Variants in CARS1 observed in about 807,000 individuals in gnomAD.
The protein encoded by CARS1 is cysteine--tRNA ligase, cytoplasmic.
CARS1 carries 48 observed loss-of-function variants against 106.2 expected under a neutral mutation model. That is an observed-to-expected ratio of 0.45 (90% confidence interval 0.36 to 0.57). The LOEUF is 0.57. Among genes scored for constraint, CARS1 ranks in the 20% least tolerant of loss-of-function variants. CARS1 has a pLI of 0.00. For missense variants in CARS1, 968 were observed against 1,057.2 expected, an observed-to-expected ratio of 0.92 and a Z score of 1.17; for synonymous variants, 409 against 403.4, an observed-to-expected ratio of 1.01 and a Z score of -0.17.
chr11:3,035,350 T>C (rs1853479245), intron 7 of CARS1, among the ~76,000 whole-genome samples: 1 of 152,068 alleles, frequency 6.6e-6, no homozygotes, highest in African/African-American at 2.4e-5. Flanking sequence ...AAAAGGGACA[T>C]TCAAACCACA....
Position 3,044,130 on chromosome 11 carries a change from GAC to G in CARS1, c.275-1876_275-1875del, listed in dbSNP as rs1854829191. Reference sequence around the variant, plus strand: ...AAAGACCCTGGAGCTCCTTCAATAGGACACTGCTGCCATCTCAGACAGCTGGA... The same window carrying G: ...AAAGACCCTGGAGCTCCTTCAATAGGACTGCTGCCATCTCAGACAGCTGGA... On this transcript the variant is annotated intron_variant, in intron 2 of 22. Transcript: ENST00000380525. The surrounding 1 kb of genome is among the most constrained non-coding windows in gnomAD (Gnocchi z 4.4). 6.6e-6 allele frequency among the ~76,000 whole-genome samples: 1 copy of G among 152,100 alleles called. No individual in the cohort carries two copies. Among genetic ancestry groups the G allele is most frequent in the Non-Finnish European group, 1.5e-5 (1 of 68,008 alleles).
At chr11:3,026,540 T>C in intron 10 of CARS1, 136 bp downstream of exon 10, 1 of 849,150 alleles carries the variant, frequency 1.2e-6, no homozygotes. Context: ...CTCCTAAAAT[T>C]CCTTCAGGTG....
rs577813469 is a variant in CARS1 at position 3,028,628 on chromosome 11, G to A, written c.1031+368C>T. 247 of 302,730 alleles carry A rather than the reference G, an allele frequency of 8.2e-4. 2 individuals carry two copies. Among genetic ancestry groups the A allele is most frequent in the Admixed American group, 2.3e-3 (47 of 20,672 alleles). 18.8% of individuals were successfully genotyped at this position (302,730 alleles called of 1,614,324 possible). ...ATGCTGATGAAATGCATCCTCCTTCGGGATATGACACCAGGACTAGCACTC... is the reference window on the plus strand; with the variant it reads ...ATGCTGATGAAATGCATCCTCCTTCAGGATATGACACCAGGACTAGCACTC... On this transcript the variant is annotated intron_variant, in intron 9 of 22. Coordinates refer to ENST00000380525, the MANE Select transcript of CARS1 (RefSeq NM_001014437.3). This position sits in a 1 kb window ranked among gnomAD's most constrained non-coding sequence, Gnocchi z 4.4.
intron 19 of CARS1, among the ~76,000 whole-genome samples, chr11:3,006,055 T>A (rs912445869): frequency 1.3e-5 from 2 of 152,212 alleles, no homozygotes; most frequent in Non-Finnish European, 2.9e-5. Flanking sequence ...GATAAATGCT[T>A]GAGGTGATGG....
At chr11:3,055,788 T>G (rs1167397225) in intron 1 of CARS1, among the ~76,000 whole-genome samples, 1 of 152,252 alleles carries the variant, frequency 6.6e-6, no homozygotes, top group Non-Finnish European at 1.5e-5. Flanking sequence ...GCCCTAACTT[T>G]CAGCACAGAC....
Position 3,019,645 on chromosome 11 carries a change from G to A in CARS1, c.1267-378C>T, listed in dbSNP as rs947304325. Among the ~76,000 whole-genome samples the A allele has an allele frequency of 6.6e-6, 1 of 151,636 alleles. No individual in the cohort carries two copies. The highest frequency in any genetic ancestry group is 1.5e-5 in the Non-Finnish European group (1 of 67,934). ...CTTGAACCGGGACTAGGAGGCAGAG[G>A]TTGCAGTGAGCTGAGATCGCGCCAC... On this transcript the variant is annotated intron_variant, in intron 11 of 22. Transcript: ENST00000380525. This position sits in a 1 kb window ranked among gnomAD's most constrained non-coding sequence, Gnocchi z 6.2.
intron 18 of CARS1, among the ~76,000 whole-genome samples, chr11:3,010,112 A>G (rs1850305333): frequency 6.6e-6 from 1 of 152,254 alleles, no homozygotes; most frequent in Non-Finnish European, 1.5e-5. Context: ...GCAAACAGAA[A>G]GCAAAACCGA....
Position 3,034,816 on chromosome 11 carries a change from G to A in CARS1, c.801+3234C>T, listed in dbSNP as rs527399268. Among the ~76,000 whole-genome samples the A allele has an allele frequency of 2.0e-5, 3 of 152,282 alleles. No individual in the cohort carries two copies. The highest frequency in any genetic ancestry group is 2.1e-4 in the South Asian group (1 of 4,826). ...CCCAAAGTGCTGGGATTACAGGCAT[G>A]AGCCACGATGCCCTGCCTGGGAATG... is the stretch of plus-strand genomic sequence containing the variant. On this transcript the variant is annotated intron_variant, in intron 7 of 22. Coordinates refer to ENST00000380525, the MANE Select transcript of CARS1 (RefSeq NM_001014437.3). The surrounding 1 kb of genome is among the most constrained non-coding windows in gnomAD (Gnocchi z 6.3).
In CARS1 at chr11:3,052,483, C is replaced by T. The variant is rs1247679771; in HGVS notation, c.26-4482G>A. Among the ~76,000 whole-genome samples the T allele has an allele frequency of 6.6e-6, 1 of 152,188 alleles. No individual in the cohort carries two copies. The highest frequency in any genetic ancestry group is 1.5e-5 in the Non-Finnish European group (1 of 68,038). On this transcript the variant is annotated intron_variant, in intron 1 of 22. Transcript: ENST00000380525. The surrounding 1 kb of genome is among the most constrained non-coding windows in gnomAD (Gnocchi z 4.6). The stretch of plus-strand genomic sequence containing the variant: ...GGAGTTTTCCTAGGGCTCACACACC[C>T]ATTTTTATTTAATTAATTTTATTAT...
In CARS1 at chr11:3,039,968, C is replaced by T. The variant is rs745941079; in HGVS notation, c.456-37G>A. The T allele has an allele frequency of 1.6e-5, 17 of 1,075,026 alleles. No individual in the cohort carries two copies. The highest frequency in any genetic ancestry group is 1.8e-5 in the Non-Finnish European group (13 of 716,406). The allele number at this position is 1,075,026 out of a possible 1,614,324, so 66.6% of individuals were successfully genotyped here. ...AAAAAACAAACATTTCCACACCAGA[C>T]GATATGTATAGCTTAACCTCCAACA... On this transcript the variant is annotated intron_variant, in intron 4 of 22. Transcript: ENST00000380525. This position sits in a 1 kb window ranked among gnomAD's most constrained non-coding sequence, Gnocchi z 5.6.
In CARS1 at chr11:3,040,067, T is replaced by C; in HGVS notation, c.456-136A>G. On this transcript the variant is annotated intron_variant, in intron 4 of 22. Coordinates refer to ENST00000380525, the MANE Select transcript of CARS1 (RefSeq NM_001014437.3). This position sits in a 1 kb window ranked among gnomAD's most constrained non-coding sequence, Gnocchi z 5.8. Reference sequence around the variant, plus strand: ...ATCCCTGAAACAGCAAGACCCCCCCTTCTCCTCCTCAGTCTACTCAACGTG... The same window carrying C: ...ATCCCTGAAACAGCAAGACCCCCCCCTCTCCTCCTCAGTCTACTCAACGTG... 3.6e-6 allele frequency: 2 copies of C among 561,110 alleles called. No individual in the cohort carries two copies. Among genetic ancestry groups the C allele is most frequent in the Non-Finnish European group, 6.2e-6 (2 of 321,284 alleles). The allele number at this position is 561,110 out of a possible 1,614,324, so 34.8% of individuals were successfully genotyped here.
chr11:3,026,724 G>A lies in CARS1; in HGVS notation c.1105C>T (p.Leu369=), dbSNP rs750728530. The A allele has an allele frequency of 1.2e-6, 2 of 1,613,988 alleles. No individual in the cohort carries two copies. The highest frequency in any genetic ancestry group is 1.7e-6 in the Non-Finnish European group (2 of 1,179,946). Residue 369 remains leucine, a synonymous_variant, in exon 10 of 23, where the codon CTG becomes TTG. Transcript: ENST00000380525. ...ASSEKHSYGK[L]VPEAVGDQKA... ...TGATCTCCAACGGCCTCAGGCACCA[G>A]CTTCCCATAGGAGTGCTTCTCGCTA...
rs1015531014 is a variant in CARS1 at position 3,050,098 on chromosome 11, C to T, written c.26-2097G>A. 3.3e-5 allele frequency among the ~76,000 whole-genome samples: 5 copies of T among 152,192 alleles called. No homozygotes were observed. The highest frequency in any genetic ancestry group is 5.9e-5 in the Non-Finnish European group (4 of 68,038). On this transcript the variant is annotated intron_variant, in intron 1 of 22. Transcript: ENST00000380525. The surrounding 1 kb of genome is among the most constrained non-coding windows in gnomAD (Gnocchi z 6.3). ...ACGTGATGCCCCAAGGCCCAGCCTC[C>T]GTGGCTGCCGGAGAAGATGTCCTGA...
intron 10 of CARS1, among the ~76,000 whole-genome samples, chr11:3,024,660 T>G (rs1012246056): frequency 7.2e-5 from 11 of 151,910 alleles, no homozygotes; most frequent in Non-Finnish European, 1.2e-4. Flanking sequence ...GTTGCCCAGG[T>G]TGGTCTGGAA....
chr11:3,011,483 A>G (rs2078782), intron 18 of CARS1, among the ~76,000 whole-genome samples: 138,395 of 151,632 alleles, frequency 0.91, 63,211 homozygotes, highest in African/African-American at 0.94. Flanking sequence ...GCGCGGTGGC[A>G]GGCGCCTGTA....
intron 9 of CARS1, chr11:3,027,070 G>A (rs1306868682): frequency 1.7e-5 from 6 of 348,064 alleles, no homozygotes; most frequent in South Asian, 9.1e-5. Context: ...CCTTGCTCAG[G>A]GCTGCTGCCG....
In CARS1 at chr11:3,047,988, C is replaced by T. The variant is rs780857634; in HGVS notation, c.39G>A (p.Arg13=). 3.1e-6 allele frequency: 5 copies of T among 1,613,358 alleles called. No homozygotes were observed. The African/African-American group carries it at 4.0e-5, about 13-fold the overall frequency. ...CCTCGTCACTAATGCTCAGAATGGA[C>T]CTGTAGTCAGGAGCTGCAAAGACAG... The part of the protein sequence containing the change: ...DSSGQQAPDY[R]SILSISDEAA... The change falls in exon 2 of 23, where the codon AGG becomes AGA. Residue 13 remains arginine (R), a synonymous_variant. Coordinates refer to ENST00000380525, the MANE Select transcript of CARS1 (RefSeq NM_001014437.3).
At position 3,018,278 on chromosome 11, in the gene CARS1, G is replaced by C. The variant is rs1321043623; in HGVS notation, c.1629+130C>G. ...GCCTGTTATACCCACTAGCATGGAG[G>C]TGCTTCCACCCATGTGCTGGTCTCC... On this transcript the variant is annotated intron_variant, in intron 14 of 22. Coordinates refer to ENST00000380525, the MANE Select transcript of CARS1 (RefSeq NM_001014437.3). 3 of 659,872 alleles carry C rather than the reference G, an allele frequency of 4.5e-6. No homozygotes were observed. The East Asian group carries it at 8.1e-5, about 18-fold the overall frequency. 40.9% of individuals were successfully genotyped at this position (659,872 alleles called of 1,614,324 possible). A position where few individuals can be genotyped will look rare whatever the true frequency, so the allele number is the denominator to read the frequency against.
intron 2 of CARS1, 187 bp from the exon 3 acceptor site, chr11:3,042,443 TA>T: frequency 1.8e-6 from 1 of 544,790 alleles, no homozygotes; most frequent in Non-Finnish European, 3.3e-6. Flanking sequence ...TTTTTTTTTT[TA>T]GACGGAGTCT....
Sources: allele counts gnomAD v4.1 joint callset (sites outside exome capture counted in the v4.1 genomes callset), GRCh38; gene constraint gnomAD v4.1.1; non-coding constraint Gnocchi (gnomAD v3.1); transcripts MANE v1.5; gene names NCBI Gene and HGNC (gene_info 2026-07-23, HGNC 2026-07-21).